Variants in CNNM2 observed in about 807,000 individuals in gnomAD.
CNNM2 encodes the protein metal transporter CNNM2.
In CNNM2, 12 loss-of-function variants were observed where a neutral mutation model predicts 66.9. The ratio of observed to expected loss-of-function variants is 0.18; its 90% CI spans 0.11 to 0.29. CNNM2 has a LOEUF of 0.29. CNNM2 is among the 10% of genes least tolerant of loss of function. The probability of loss-of-function intolerance (pLI) is 1.00; values close to 1 mark genes in which losing one functional copy is unlikely to be tolerated. For missense variants in CNNM2, 705 were observed against 1,167.7 expected (o/e 0.60, Z 5.77); for synonymous variants, 557 against 501.8 (o/e 1.11, Z -1.47).
intron 4 of CNNM2, among the ~76,000 whole-genome samples, chr10:103,057,451 G>A (rs2065314294): frequency 6.6e-6 from 1 of 150,878 alleles, no homozygotes; most frequent in African/African-American, 2.4e-5. Flanking sequence ...GGATGACAGA[G>A]CAAAACCCTG....
chr10:102,919,284 G>A lies in CNNM2; in HGVS notation c.804G>A (p.Leu268=). 1 of 1,613,896 alleles carries A rather than the reference G, an allele frequency of 6.2e-7. No individual in the cohort carries two copies. Among genetic ancestry groups the A allele is most frequent in the Non-Finnish European group, 8.5e-7 (1 of 1,180,050 alleles). ...QVIFISLLLC[L]SGMFSGLNLG... Reference sequence around the variant, plus strand: ...TCTTCATTTCGCTGCTGCTGTGCCTGTCGGGCATGTTCAGCGGCCTCAACC... The same window carrying A: ...TCTTCATTTCGCTGCTGCTGTGCCTATCGGGCATGTTCAGCGGCCTCAACC... The change falls in exon 1 of 8, where the codon CTG becomes CTA. Residue 268 remains leucine, a synonymous_variant. Coordinates refer to ENST00000369878, the MANE Select transcript of CNNM2 (RefSeq NM_017649.5).
chr10:102,982,015 C>T lies in CNNM2; in HGVS notation c.1621+61914C>T, dbSNP rs1374150733. 2.0e-5 allele frequency among the ~76,000 whole-genome samples: 3 copies of T among 152,036 alleles called. No individual in the cohort carries two copies. In the East Asian group the frequency reaches 5.8e-4, roughly 29 times the overall value. ...ATGGAATGCATAAGTGCTTTTCTTA[C>T]ATTTGAAGTATATCCACTACATATT... On this transcript the variant is annotated intron_variant, in intron 1 of 7. Transcript: ENST00000369878.
intron 1 of CNNM2, among the ~76,000 whole-genome samples, chr10:102,939,203 A>C (rs1222783011): frequency 6.6e-6 from 1 of 152,182 alleles, no homozygotes; most frequent in African/African-American, 2.4e-5. Context: ...TGAAGGTTGT[A>C]AATATTTCCT....
intron 1 of CNNM2, among the ~76,000 whole-genome samples, chr10:102,990,209 G>A (rs901491138): frequency 2.6e-5 from 4 of 152,012 alleles, no homozygotes; most frequent in Non-Finnish European, 5.9e-5. Flanking sequence ...CAGGTGATCC[G>A]CCTGCCTTGG....
chr10:102,924,436 G>C (rs893283437), intron 1 of CNNM2, among the ~76,000 whole-genome samples: 1 of 152,166 alleles, frequency 6.6e-6, no homozygotes, highest in Non-Finnish European at 1.5e-5. Flanking sequence ...TTAGTAACAG[G>C]TGGGATCACC....
At chr10:102,991,695 T>C (rs902775941) in intron 1 of CNNM2, among the ~76,000 whole-genome samples, 2 of 152,236 alleles carry the variant, frequency 1.3e-5, no homozygotes, top group African/African-American at 4.8e-5. Flanking sequence ...CAAGGAATGT[T>C]ATATTATCAT....
rs58969618 is a variant in CNNM2, at chr10:102,960,062, A to AAAAT, written c.1621+39985_1621+39988dup. ...GCAAGACTCTGTCTCAAAAAAATAA[A>AAAAT]AAATAAATAAATAAATAAATAAATA... On this transcript the variant is annotated intron_variant, in intron 1 of 7. Transcript: ENST00000369878. Among the ~76,000 whole-genome samples the AAAAT allele has an allele frequency of 0.045, 6,804 of 151,692 alleles. 154 individuals carry two copies. Among genetic ancestry groups the AAAAT allele is most frequent in the Non-Finnish European group, 0.056 (3,808 of 67,886 alleles).
chr10:102,965,383 G>A (rs982182066), intron 1 of CNNM2, among the ~76,000 whole-genome samples: 19 of 152,126 alleles, frequency 1.2e-4, no homozygotes, highest in Admixed American at 5.9e-4. Context: ...TGATATAGAC[G>A]GGGGATTATT....
intron 5 of CNNM2, among the ~76,000 whole-genome samples, chr10:103,070,748 G>A (rs1386452865): frequency 1.3e-5 from 2 of 152,148 alleles, no homozygotes; most frequent in African/African-American, 4.8e-5. Context: ...TGGCCAACAT[G>A]GTGAAACCCC....
chr10:103,027,058 A>C (rs1280329373), intron 1 of CNNM2, among the ~76,000 whole-genome samples: 1 of 152,206 alleles, frequency 6.6e-6, no homozygotes, highest in Non-Finnish European at 1.5e-5. Flanking sequence ...AAAAATGTCA[A>C]GGTTGGTATG....
At chr10:102,997,661 A>T (rs2064028903) in intron 1 of CNNM2, among the ~76,000 whole-genome samples, 1 of 152,182 alleles carries the variant, frequency 6.6e-6, no homozygotes, top group South Asian at 2.1e-4. Flanking sequence ...AAAAGCAGTT[A>T]AGAAAAAGAC....
chr10:102,924,252 C>A (rs1845765818), intron 1 of CNNM2, among the ~76,000 whole-genome samples: 2 of 152,206 alleles, frequency 1.3e-5, no homozygotes, highest in South Asian at 4.1e-4. Flanking sequence ...ACAAAACCGT[C>A]CTCACAAAAG....
intron 1 of CNNM2, among the ~76,000 whole-genome samples, chr10:103,038,228 TAAAACTG>T (rs1363582581): frequency 3.3e-5 from 5 of 152,224 alleles, no homozygotes; most frequent in African/African-American, 1.2e-4. Flanking sequence ...TCTCCATTGA[TAAAACTG>T]TAAAATCTGA....
chr10:102,929,971 T>C (rs1235573794), intron 1 of CNNM2, among the ~76,000 whole-genome samples: 9 of 152,214 alleles, frequency 5.9e-5, no homozygotes, highest in Non-Finnish European at 1.3e-4. Flanking sequence ...TTTATAATGA[T>C]TTTGGAAGGC....
Position 103,077,244 on chromosome 10 carries a change from C to T in CNNM2, c.*64C>T. 1 of 1,432,464 alleles carries T rather than the reference C, an allele frequency of 7.0e-7. No individual in the cohort carries two copies. The highest frequency in any genetic ancestry group is 1.2e-5 in the South Asian group (1 of 84,994). 88.7% of individuals were successfully genotyped at this position (1,432,464 alleles called of 1,614,324 possible). On this transcript the variant is annotated 3_prime_UTR_variant, in exon 8 of 8. Coordinates refer to ENST00000369878, the MANE Select transcript of CNNM2 (RefSeq NM_017649.5). Reference sequence around the variant, plus strand: ...AGTCCCGAGGGCCCGGCCCTGTCTGCCCATGACTTCACTGGTGTGAGCTTG... The same window carrying T: ...AGTCCCGAGGGCCCGGCCCTGTCTGTCCATGACTTCACTGGTGTGAGCTTG...
chr10:103,068,516 T>C (rs2065518826), intron 4 of CNNM2, 113 bp from the exon 5 acceptor site: 2 of 839,086 alleles, frequency 2.4e-6, no homozygotes, highest in African/African-American at 1.7e-5. Flanking sequence ...ACTCCCTCGA[T>C]AGTGTTGGGA....
At position 103,085,921 on chromosome 10, in the gene CNNM2, T is replaced by C. The variant is rs2065801425; in HGVS notation, c.*8741T>C. On this transcript the variant is annotated 3_prime_UTR_variant, in exon 8 of 8. Transcript: ENST00000369878. The stretch of plus-strand genomic sequence containing the variant: ...CAGGTTAAAGAATAGAAAAGCTTTT[T>C]ACTCATTCTATAAATGAACATGCTG... The C allele has an allele frequency of 6.6e-6, 1 of 151,870 alleles. No homozygotes were observed. The highest frequency in any genetic ancestry group is 1.5e-5 in the Non-Finnish European group (1 of 67,828). The allele number at this position is 151,870 out of a possible 1,614,324, so 9.4% of individuals were successfully genotyped here.
intron 4 of CNNM2, chr10:103,068,358 A>AC: frequency 2.8e-6 from 1 of 360,360 alleles, no homozygotes; most frequent in South Asian, 3.9e-5. Flanking sequence ...TACAAAGAAA[A>AC]CTGTATTTTA....
At chr10:103,032,402 G>T (rs1029746162) in intron 1 of CNNM2, among the ~76,000 whole-genome samples, 6 of 151,982 alleles carry the variant, frequency 3.9e-5, no homozygotes, top group African/African-American at 1.5e-4. Flanking sequence ...AGCGAGCCGA[G>T]ATCACCCCAC....
Sources: allele counts gnomAD v4.1 joint callset (sites outside exome capture counted in the v4.1 genomes callset), GRCh38; gene constraint gnomAD v4.1.1; transcripts MANE v1.5; gene names NCBI Gene and HGNC (gene_info 2026-07-23, HGNC 2026-07-21).